TSGA13: variants seen among roughly 807,000 people sequenced by gnomAD.
TSGA13 encodes the protein testis-specific gene 13 protein.
A neutral mutation model predicts 35.1 loss-of-function variants in TSGA13; 37 were observed. The observed-to-expected ratio is 1.05, with a 90% CI of 0.81 to 1.39. The LOEUF (loss-of-function observed/expected upper bound fraction) is 1.39, where lower values mean the gene tolerates loss of function less well. Ranked by LOEUF, TSGA13 falls within the 40% of genes most tolerant of loss-of-function variation. The pLI, the probability that TSGA13 is intolerant of heterozygous loss-of-function variation, is 0.00. For synonymous variants in TSGA13, 124 were observed against 121.2 expected (o/e 1.02, Z -0.15); for missense variants, 338 against 328.5 (o/e 1.03, Z -0.22).
chr7:130,671,805 C>T lies in TSGA13; in HGVS notation c.531-17G>A. ...GTGGAAAACCTTAACAAAGAAAGTT[C>T]TTTGTTTAGTAGATCCTAGGGCAGG... On this transcript the variant is annotated splice_polypyrimidine_tract_variant and intron_variant, in intron 6 of 7. Coordinates refer to ENST00000356588, the MANE Select transcript of TSGA13 (RefSeq NM_052933.4). 6.4e-7 allele frequency: 1 copy of T among 1,564,926 alleles called. No homozygotes were observed. Among genetic ancestry groups the T allele is most frequent in the Non-Finnish European group, 8.7e-7 (1 of 1,150,710 alleles).
intron 3 of TSGA13, among the ~76,000 whole-genome samples, chr7:130,682,368 C>T (rs781850255): frequency 2.6e-5 from 4 of 152,190 alleles, no homozygotes; most frequent in Non-Finnish European, 4.4e-5. Flanking sequence ...GATCCGCCCA[C>T]CTTGGCCTCC....
At chr7:130,675,683 G>A (rs576445669) in intron 5 of TSGA13, among the ~76,000 whole-genome samples, 4 of 152,204 alleles carry the variant, frequency 2.6e-5, no homozygotes, top group South Asian at 2.1e-4. Context: ...GCGCCAGGCC[G>A]GTTTGAGTCT....
chr7:130,684,317 C>T (rs1422921175), intron 2 of TSGA13, among the ~76,000 whole-genome samples: 1 of 152,182 alleles, frequency 6.6e-6, no homozygotes, highest in Non-Finnish European at 1.5e-5. Flanking sequence ...ACCCTAATAC[C>T]AATTCTCTTT....
chr7:130,683,562 T>C (rs781792527), intron 3 of TSGA13, 32 bp downstream of exon 3: 9 of 1,596,720 alleles, frequency 5.6e-6, no homozygotes, highest in Non-Finnish European at 1.7e-6. Flanking sequence ...CAAAGAAAAA[T>C]TAAACATTGA....
chr7:130,674,673 G>A (rs1390151981), intron 5 of TSGA13, among the ~76,000 whole-genome samples: 3 of 152,114 alleles, frequency 2.0e-5, no homozygotes, highest in African/African-American at 4.8e-5. Flanking sequence ...AATAGTGCCT[G>A]GCACATAGTA....
At position 130,685,365 on chromosome 7, in the gene TSGA13, A is replaced by G; in HGVS notation, c.-150-5T>C. ...ACTCATGCCCCATTCTTGAGCCTGTATGGGAAACAAGAAAAGACTGATAGG... is the reference window on the plus strand; with the variant it reads ...ACTCATGCCCCATTCTTGAGCCTGTGTGGGAAACAAGAAAAGACTGATAGG... On this transcript the variant is annotated splice_region_variant and splice_polypyrimidine_tract_variant and intron_variant, in intron 1 of 7. Coordinates refer to ENST00000356588, the MANE Select transcript of TSGA13 (RefSeq NM_052933.4). The G allele has an allele frequency of 7.0e-7, 1 of 1,437,674 alleles. No individual in the cohort carries two copies. Among genetic ancestry groups the G allele is most frequent in the Non-Finnish European group, 9.3e-7 (1 of 1,079,760 alleles). 89.1% of individuals were successfully genotyped at this position (1,437,674 alleles called of 1,614,324 possible).
intron 2 of TSGA13, among the ~76,000 whole-genome samples, chr7:130,684,975 T>C (rs1325444684): frequency 6.6e-6 from 1 of 152,198 alleles, no homozygotes; most frequent in Non-Finnish European, 1.5e-5. Context: ...CCCAACAGCG[T>C]CCATCTGGAA....
At chr7:130,673,400 T>C (rs1980294) in intron 5 of TSGA13, among the ~76,000 whole-genome samples, 29,384 of 152,106 alleles carry the variant, frequency 0.19, 3,032 homozygotes, top group Middle Eastern at 0.25. Flanking sequence ...TCCAGTCTGT[T>C]TGTCTGTCCC....
chr7:130,681,009 A>T lies in TSGA13; in HGVS notation c.111T>A (p.Asp37Glu). Residue 37 changes from aspartate to glutamate, a missense_variant, in exon 4 of 8, where the codon GAT becomes GAA. Asp to Glu is a conservative substitution (Grantham distance 45). Coordinates refer to ENST00000356588, the MANE Select transcript of TSGA13 (RefSeq NM_052933.4). ...GMVVNSKEIS[D>E]AVGQSKFVLE... ...GAACAAATTTTGATTGCCCGACTGC[A>T]TCAGAAATCTAAAGAGGATAATCAA... 1.2e-6 allele frequency: 2 copies of T among 1,614,244 alleles called. No homozygotes were observed. Among genetic ancestry groups the T allele is most frequent in the Non-Finnish European group, 1.7e-6 (2 of 1,180,038 alleles).
chr7:130,683,051 T>A (rs1322142493), intron 3 of TSGA13, among the ~76,000 whole-genome samples: 1 of 152,162 alleles, frequency 6.6e-6, no homozygotes, highest in Non-Finnish European at 1.5e-5. Context: ...TTAAAAAAAA[T>A]AATTTTAGGG....
chr7:130,676,125 G>T (rs1796406207), intron 5 of TSGA13, among the ~76,000 whole-genome samples: 1 of 152,208 alleles, frequency 6.6e-6, no homozygotes. Context: ...TTGGATGCAT[G>T]CCTGGGCATA....
chr7:130,670,437 G>T (rs1796236704), intron 7 of TSGA13, among the ~76,000 whole-genome samples: 1 of 152,074 alleles, frequency 6.6e-6, no homozygotes, highest in African/African-American at 2.4e-5. Flanking sequence ...AGGAGAAATG[G>T]ACCTTATCTT....
At chr7:130,683,051 T>C (rs1322142493) in intron 3 of TSGA13, among the ~76,000 whole-genome samples, 3 of 152,162 alleles carry the variant, frequency 2.0e-5, no homozygotes, top group Non-Finnish European at 4.4e-5. Context: ...TTAAAAAAAA[T>C]AATTTTAGGG....
At chr7:130,672,973 A>G (rs1356099144) in intron 5 of TSGA13, 97 bp from the exon 6 acceptor site, 10 of 1,348,044 alleles carry the variant, frequency 7.4e-6, no homozygotes, top group African/African-American at 3.0e-5. Flanking sequence ...CAATTCCCCT[A>G]CAATCATGCA....
chr7:130,674,169 C>CTTTTTTTTTTTTTTTTTT (rs1162370815), intron 5 of TSGA13, among the ~76,000 whole-genome samples: 64 of 98,414 alleles, frequency 6.5e-4, no homozygotes, highest in Non-Finnish European at 7.8e-4. Flanking sequence ...TTCTTTTTTT[C>CTTTTTTTTTTTTTTTTTT]TTTTTTTTTT....
chr7:130,686,328 T>C lies in TSGA13; in HGVS notation c.-217A>G, dbSNP rs1554465736. 6.6e-6 allele frequency: 1 copy of C among 152,178 alleles called. No homozygotes were observed. The highest frequency in any genetic ancestry group is 1.5e-5 in the Non-Finnish European group (1 of 68,024). The allele number at this position is 152,178 out of a possible 1,614,324, so 9.4% of individuals were successfully genotyped here. On this transcript the variant is annotated 5_prime_UTR_variant, in exon 1 of 8. Coordinates refer to ENST00000356588, the MANE Select transcript of TSGA13 (RefSeq NM_052933.4). ...GTGAAACTAAAATAAAAATGAGCTG[T>C]CAAATTGGGCAGTATAAGTCTTGGG...
chr7:130,680,856 T>C, intron 4 of TSGA13, 90 bp downstream of exon 4: 1 of 1,191,690 alleles, frequency 8.4e-7, no homozygotes, highest in Non-Finnish European at 1.2e-6. Context: ...CTGGGGACAC[T>C]TGGAGGCATT....
rs1796157887 is a variant in TSGA13 at position 130,668,668 on chromosome 7, T to C, written c.*346A>G. 2 of 1,541,424 alleles carry C rather than the reference T, an allele frequency of 1.3e-6. No individual in the cohort carries two copies. Among genetic ancestry groups the C allele is most frequent in the Non-Finnish European group, 8.7e-7 (1 of 1,145,918 alleles). On this transcript the variant is annotated 3_prime_UTR_variant, in exon 8 of 8. Transcript: ENST00000356588. ...TCCTTCTTGTCGAATTTTTTAATCA[T>C]CTTGGACGACTTCCCAGCGCCCAGA...
At chr7:130,677,528 G>A (rs1157352652) in intron 5 of TSGA13, among the ~76,000 whole-genome samples, 1 of 151,444 alleles carries the variant, frequency 6.6e-6, no homozygotes, top group Non-Finnish European at 1.5e-5. Flanking sequence ...AGGTTCAAGC[G>A]ATTCTCCTCC....
Sources: allele counts gnomAD v4.1 joint callset (sites outside exome capture counted in the v4.1 genomes callset), GRCh38; gene constraint gnomAD v4.1.1; transcripts MANE v1.5; gene names NCBI Gene and HGNC (gene_info 2026-07-23, HGNC 2026-07-21).